The following NRXN1 variants were observed in gnomAD, a reference collection of about 807,000 sequenced individuals.
The protein encoded by NRXN1 is neurexin 1.
Under a neutral mutation model 150.9 loss-of-function variants are expected in NRXN1, and 39 were observed. The ratio of observed to expected loss-of-function variants is 0.26; its 90% CI spans 0.20 to 0.34. The LOEUF (loss-of-function observed/expected upper bound fraction) is 0.34, where lower values mean the gene tolerates loss of function less well. Among genes scored for constraint, NRXN1 ranks in the 10% least tolerant of loss-of-function variants. NRXN1 has a pLI of 1.00. For missense variants in NRXN1, 1,815 were observed against 1,949.9 expected, an observed-to-expected ratio of 0.93 and a Z score of 1.30; for synonymous variants, 924 against 757.0, an observed-to-expected ratio of 1.22 and a Z score of -3.62.
chr2:50,887,015 A>G (rs1212512803), intron 5 of NRXN1, among the ~76,000 whole-genome samples: 1 of 151,448 alleles, frequency 6.6e-6, no homozygotes, highest in Non-Finnish European at 1.5e-5. Context: ...ACTACAATAG[A>G]AAATAGGGGT....
At chr2:50,258,221 T>G (rs913789807) in intron 17 of NRXN1, among the ~76,000 whole-genome samples, 1 of 152,060 alleles carries the variant, frequency 6.6e-6, no homozygotes, top group African/African-American at 2.4e-5. Context: ...ACAATGCTGT[T>G]TGATAGCATT....
chr2:50,193,372 T>C (rs1318054030), intron 18 of NRXN1, among the ~76,000 whole-genome samples: 3 of 152,206 alleles, frequency 2.0e-5, no homozygotes, highest in African/African-American at 4.8e-5. Flanking sequence ...TCACATCTTA[T>C]GATTTCTTTT....
At chr2:50,356,073 A>AG (rs1363611871) in intron 17 of NRXN1, among the ~76,000 whole-genome samples, 1 of 152,142 alleles carries the variant, frequency 6.6e-6, no homozygotes, top group Non-Finnish European at 1.5e-5. Context: ...TCAAAAAAAA[A>AG]AAGAAAGTAC....
chr2:50,680,566 T>TA (rs1690233310), intron 5 of NRXN1, among the ~76,000 whole-genome samples: 1 of 152,116 alleles, frequency 6.6e-6, no homozygotes, highest in Non-Finnish European at 1.5e-5. Context: ...TCCTTTCAAA[T>TA]ATCTCCCCAA....
At chr2:50,551,105 G>GAAGAAGAAGAA (rs1667457851) in intron 9 of NRXN1, among the ~76,000 whole-genome samples, 2 of 110,360 alleles carry the variant, frequency 1.8e-5, no homozygotes, top group African/African-American at 8.1e-5. Context: ...GGAGGAGGAG[G>GAAGAAGAAGAA]GAGGGGGAGG....
chr2:50,508,756 G>A (rs190262840), intron 12 of NRXN1, among the ~76,000 whole-genome samples: 30 of 152,120 alleles, frequency 2.0e-4, no homozygotes, highest in African/African-American at 7.0e-4. Flanking sequence ...ATAACAACAG[G>A]CATAAAATCC....
At chr2:50,709,015 G>A (rs1158457694) in intron 5 of NRXN1, among the ~76,000 whole-genome samples, 1 of 152,052 alleles carries the variant, frequency 6.6e-6, no homozygotes, top group African/African-American at 2.4e-5. Flanking sequence ...TTTCTAACAG[G>A]GACTGTCCTC....
chr2:50,526,894 G>A (rs2105173674), intron 12 of NRXN1: 1 of 152,264 alleles, frequency 6.6e-6, no homozygotes, highest in South Asian at 2.1e-4. Flanking sequence ...GGAATATCCA[G>A]AGGAAAAATA....
intron 9 of NRXN1, among the ~76,000 whole-genome samples, chr2:50,543,310 T>C (rs1400542572): frequency 6.6e-6 from 1 of 152,100 alleles, no homozygotes; most frequent in East Asian, 1.9e-4. Flanking sequence ...GCTCCTAAAA[T>C]TGGGGAAAAG....
chr2:50,728,801 C>T (rs1697721593), intron 5 of NRXN1, among the ~76,000 whole-genome samples: 1 of 152,042 alleles, frequency 6.6e-6, no homozygotes, highest in Admixed American at 6.6e-5. Flanking sequence ...ACTAAATAAG[C>T]AGTATTTTAT....
chr2:50,295,825 T>A (rs7605803), intron 17 of NRXN1, among the ~76,000 whole-genome samples: 1 of 151,998 alleles, frequency 6.6e-6, no homozygotes, highest in South Asian at 2.1e-4. Context: ...ACTTCACAAA[T>A]AACTGGGAAA....
At chr2:50,741,639 C>T (rs1699440188) in intron 5 of NRXN1, among the ~76,000 whole-genome samples, 1 of 152,034 alleles carries the variant, frequency 6.6e-6, no homozygotes, top group Admixed American at 6.6e-5. Flanking sequence ...TTCTCATGTT[C>T]ATCAGGAGGT....
At chr2:51,024,640 T>G (rs1177588461) in intron 2 of NRXN1, among the ~76,000 whole-genome samples, 1 of 152,184 alleles carries the variant, frequency 6.6e-6, no homozygotes, top group Non-Finnish European at 1.5e-5. Context: ...GTGCATAAGT[T>G]GTTTCAAGGC....
At chr2:50,085,459 C>A (rs924539040) in intron 19 of NRXN1, among the ~76,000 whole-genome samples, 12 of 152,204 alleles carry the variant, frequency 7.9e-5, no homozygotes, top group African/African-American at 2.9e-4. Context: ...CATATCTATA[C>A]ATTTAATGAG....
chr2:50,326,717 T>C (rs1652160159), intron 17 of NRXN1, among the ~76,000 whole-genome samples: 1 of 152,172 alleles, frequency 6.6e-6, no homozygotes, highest in Non-Finnish European at 1.5e-5. Flanking sequence ...ATGTACATAA[T>C]TATATAGAGT....
intron 2 of NRXN1, among the ~76,000 whole-genome samples, chr2:50,989,961 C>T (rs1698301468): frequency 6.6e-6 from 1 of 151,964 alleles, no homozygotes; most frequent in African/African-American, 2.4e-5. Context: ...TAGTTGCTTG[C>T]TCTACATACT....
At position 50,628,870 on chromosome 2, in the gene NRXN1, A is replaced by G. The variant is rs954790269; in HGVS notation, c.833-5255T>C. Among the ~76,000 whole-genome samples, 6 of 151,786 alleles carry G rather than the reference A, an allele frequency of 4.0e-5. No individual in the cohort carries two copies. In the East Asian group the frequency reaches 9.6e-4, roughly 24 times the overall value. ...CACAAGCCAATGGGAAAAAAATGATAAAGTAGTTGAACAGACATTAAAGTA... is the reference window on the plus strand; with the variant it reads ...CACAAGCCAATGGGAAAAAAATGATGAAGTAGTTGAACAGACATTAAAGTA... On this transcript the variant is annotated intron_variant, in intron 5 of 22. Coordinates refer to ENST00000401669, the MANE Select transcript of NRXN1 (RefSeq NM_001330078.2).
At chr2:50,856,550 T>C (rs558054316) in intron 5 of NRXN1, among the ~76,000 whole-genome samples, 2 of 152,180 alleles carry the variant, frequency 1.3e-5, no homozygotes, top group Non-Finnish European at 2.9e-5. Flanking sequence ...GGTGAAAATA[T>C]GTAAGATTTA....
chr2:50,254,544 G>C (rs1167329349), intron 17 of NRXN1, among the ~76,000 whole-genome samples: 1 of 151,252 alleles, frequency 6.6e-6, no homozygotes, highest in Non-Finnish European at 1.5e-5. Context: ...ATTTTTATAT[G>C]AGTATTTAGT....
Sources: allele counts gnomAD v4.1 joint callset (sites outside exome capture counted in the v4.1 genomes callset), GRCh38; gene constraint gnomAD v4.1.1; transcripts MANE v1.5; gene names NCBI Gene and HGNC (gene_info 2026-07-23, HGNC 2026-07-21).